Variants in STRN4 observed in about 807,000 individuals in gnomAD.
The protein encoded by STRN4 is striatin-4.
STRN4 carries 27 observed loss-of-function variants against 77.9 expected under a neutral mutation model. That is an observed-to-expected ratio of 0.35 (90% CI 0.26 to 0.48). The LOEUF is 0.48. Among genes scored for constraint, STRN4 ranks in the 20% least tolerant of loss-of-function variants. The pLI, the probability that STRN4 is intolerant of heterozygous loss-of-function variation, is 0.99. For missense variants in STRN4, 798 were observed against 1,049.7 expected (o/e 0.76, Z 3.31); for synonymous variants, 466 against 443.1 (o/e 1.05, Z -0.65).
Position 46,738,288 on chromosome 19 carries a change from T to A in STRN4, c.387-51A>T, listed in dbSNP as rs769906260. Reference sequence around the variant, plus strand: ...AAGAGATGCGGGAGAGTAGACAGGGTCAGTAGTTACCTAAGGAATCCAGAA... The same window carrying A: ...AAGAGATGCGGGAGAGTAGACAGGGACAGTAGTTACCTAAGGAATCCAGAA... On this transcript the variant is annotated intron_variant, in intron 2 of 17. Transcript: ENST00000263280. The surrounding 1 kb of genome is among the most constrained non-coding windows in gnomAD (Gnocchi z 4.5). 6.5e-7 allele frequency: 1 copy of A among 1,540,390 alleles called. No homozygotes were observed. The highest frequency in any genetic ancestry group is 1.7e-5 in the Admixed American group (1 of 59,894).
Position 46,727,526 on chromosome 19 carries a change from T to C in STRN4, c.1174A>G (p.Ile392Val), listed in dbSNP as rs756518884. 6 of 1,613,340 alleles carry C rather than the reference T, an allele frequency of 3.7e-6. No individual in the cohort carries two copies. In the East Asian group the frequency reaches 6.7e-5, roughly 18 times the overall value. ...PHEDVFIMDT[I>V]GGGEVSLGDL... The stretch of plus-strand genomic sequence containing the variant: ...CCCAGGCTCACCTCCCCGCCCCCGA[T>C]AGTGTCCATGATGAAGACGTCTGAG... Residue 392 changes from isoleucine (I) to valine (V), a missense_variant, in exon 9 of 18, where the codon ATC (isoleucine) becomes GTC (valine). Coordinates refer to ENST00000263280, the MANE Select transcript of STRN4 (RefSeq NM_013403.3).
intron 4 of STRN4, among the ~76,000 whole-genome samples, chr19:46,734,550 CTATATGACAGACAT>C (rs1334184468): frequency 6.6e-6 from 1 of 152,158 alleles, no homozygotes; most frequent in Non-Finnish European, 1.5e-5. Context: ...TTATGGTTAT[CTATATGACAGACAT>C]TATATGTTGG....
At chr19:46,746,041 C>A (rs1249769251) in intron 1 of STRN4, 108 bp downstream of exon 1, 21 of 1,184,156 alleles carry the variant, frequency 1.8e-5, no homozygotes, top group Non-Finnish European at 2.3e-5. Flanking sequence ...GCCCCCCCGC[C>A]GGCCGTCCCG....
chr19:46,728,360 G>A (rs1263720013), intron 7 of STRN4: 8 of 592,044 alleles, frequency 1.4e-5, no homozygotes, highest in Non-Finnish European at 2.1e-5. Flanking sequence ...AGAGCTGGAC[G>A]CCCGCCCTGG....
At position 46,725,339 on chromosome 19, in the gene STRN4, C is replaced by A. The variant is rs771964205; in HGVS notation, c.1465G>T (p.Ala489Ser). ...TCAGGGGCACCTCCCTACCTGTGAG[C>A]CCGGAAAGCATGTATAGGTTCCACA... Reference protein sequence around the residue: ...LDVEPIHAFRAHRGPVLAVAM... With the variant: ...LDVEPIHAFRSHRGPVLAVAM... Residue 489 changes from alanine (A) to serine (S), a missense_variant, in exon 11 of 18, where the codon GCT (alanine) becomes TCT (serine). Physicochemically the swap from Ala to Ser is moderately conservative, Grantham distance 99. This residue lies in a region of STRN4 where 287 missense variants were observed against 473.8 expected (regional missense o/e 0.61). Coordinates refer to ENST00000263280, the MANE Select transcript of STRN4 (RefSeq NM_013403.3). 1.2e-6 allele frequency: 2 copies of A among 1,614,156 alleles called. No individual in the cohort carries two copies. Among genetic ancestry groups the A allele is most frequent in the Non-Finnish European group, 8.5e-7 (1 of 1,180,032 alleles).
chr19:46,723,483 G>A lies in STRN4; in HGVS notation c.1595-199C>T, dbSNP rs921639982. On this transcript the variant is annotated intron_variant, in intron 12 of 17. Coordinates refer to ENST00000263280, the MANE Select transcript of STRN4 (RefSeq NM_013403.3). The surrounding 1 kb of genome is among the most constrained non-coding windows in gnomAD (Gnocchi z 5.5). ...CTCACACTGCCCACTAGCTCTCCAA[G>A]GAAGGTTCTAGGGCTCCAGAAGGCA... 6.6e-6 allele frequency among the ~76,000 whole-genome samples: 1 copy of A among 152,218 alleles called. No individual in the cohort carries two copies. Among genetic ancestry groups the A allele is most frequent in the Non-Finnish European group, 1.5e-5 (1 of 68,026 alleles).
At chr19:46,746,116 G>C in intron 1 of STRN4, 33 bp downstream of exon 1, 1 of 1,469,384 alleles carries the variant, frequency 6.8e-7, no homozygotes, top group Non-Finnish European at 9.0e-7. Context: ...GCCGGGCCGG[G>C]TTGGGGGTCG....
chr19:46,742,955 G>A (rs992363761), intron 1 of STRN4, among the ~76,000 whole-genome samples: 4 of 152,214 alleles, frequency 2.6e-5, no homozygotes, highest in African/African-American at 9.7e-5. Flanking sequence ...CTGCAGCCAT[G>A]TCTGATGGGG....
At chr19:46,722,099 T>A in intron 15 of STRN4, 27 bp from the exon 16 acceptor site, 1 of 1,611,156 alleles carries the variant, frequency 6.2e-7, no homozygotes, top group Non-Finnish European at 8.5e-7. Context: ...GGGTGGCAGG[T>A]TCCCCTCCCA....
chr19:46,725,023 T>C (rs2054074441), intron 11 of STRN4, 95 bp from the exon 12 acceptor site: 2 of 1,561,070 alleles, frequency 1.3e-6, no homozygotes, highest in African/African-American at 1.4e-5. Context: ...TCTTCAAGGA[T>C]GGCCAAAAGG....
At chr19:46,745,036 C>T (rs1259334280) in intron 1 of STRN4, among the ~76,000 whole-genome samples, 1 of 149,422 alleles carries the variant, frequency 6.7e-6, no homozygotes, top group Non-Finnish European at 1.5e-5. Flanking sequence ...TTCCCCCCAA[C>T]CCCAGTCTAC....
intron 7 of STRN4, chr19:46,728,345 C>T (rs1312874528): frequency 1.7e-6 from 1 of 588,300 alleles, no homozygotes; most frequent in Non-Finnish European, 3.0e-6. Flanking sequence ...TCCTTGAGGC[C>T]AGCCAGAGCT....
At chr19:46,728,994 T>C in intron 6 of STRN4, 1 of 551,948 alleles carries the variant, frequency 1.8e-6, no homozygotes, top group Admixed American at 3.1e-5. Flanking sequence ...ACGCAGTCCT[T>C]CCCCTAGCCA....
chr19:46,730,141 AC>A (rs2054214516), intron 6 of STRN4, among the ~76,000 whole-genome samples: 1 of 152,104 alleles, frequency 6.6e-6, no homozygotes, highest in African/African-American at 2.4e-5. Context: ...AGCATTTGAG[AC>A]CCTGGACTCA....
chr19:46,737,180 G>C (rs1599888494), intron 3 of STRN4, among the ~76,000 whole-genome samples: 1 of 152,330 alleles, frequency 6.6e-6, no homozygotes, highest in East Asian at 1.9e-4. Flanking sequence ...CTGGTTCTGA[G>C]AGAAGGGCCG....
intron 8 of STRN4, 31 bp from the exon 9 acceptor site, chr19:46,727,577 G>A: frequency 6.3e-7 from 1 of 1,582,632 alleles, no homozygotes. Flanking sequence ...CCTGGTAGGG[G>A]GAGGGGAGGG....
At chr19:46,728,548 G>C (rs1051589576) in intron 7 of STRN4, 70 bp downstream of exon 7, 1 of 1,544,708 alleles carries the variant, frequency 6.5e-7, no homozygotes, top group Admixed American at 1.9e-5. Context: ...GCAGCTGCGG[G>C]CAGCTGAGCC....
At position 46,722,357 on chromosome 19, in the gene STRN4, G is replaced by A; in HGVS notation, c.1907-17C>T. ...GGGTTGGACCTGAAGGAAAACGCAG[G>A]AAGAGGGAAGGATGTCAAGCAGAAA... On this transcript the variant is annotated splice_polypyrimidine_tract_variant and intron_variant, in intron 14 of 17. Coordinates refer to ENST00000263280, the MANE Select transcript of STRN4 (RefSeq NM_013403.3). 6.2e-7 allele frequency: 1 copy of A among 1,611,114 alleles called. No individual in the cohort carries two copies. The highest frequency in any genetic ancestry group is 8.5e-7 in the Non-Finnish European group (1 of 1,177,422).
chr19:46,746,035 C>G lies in STRN4; in HGVS notation c.282+114G>C, dbSNP rs1485602918. ...GGACCGTCGCGGTCCCCTCCCGCCCCCCCGCCGGCCGTCCCGGCGGCCATT... is the reference window on the plus strand; with the variant it reads ...GGACCGTCGCGGTCCCCTCCCGCCCGCCCGCCGGCCGTCCCGGCGGCCATT... On this transcript the variant is annotated intron_variant, in intron 1 of 17. Transcript: ENST00000263280. 2.9e-5 allele frequency: 35 copies of G among 1,223,194 alleles called. 3 individuals carry two copies. In the South Asian group the frequency reaches 7.1e-4, roughly 25 times the overall value. The allele number at this position is 1,223,194 out of a possible 1,614,324, so 75.8% of individuals were successfully genotyped here. A position where few individuals can be genotyped will look rare whatever the true frequency, so the allele number is the denominator to read the frequency against.
Sources: gnomAD v4.1 joint callset for allele counts (sites outside exome capture counted in the v4.1 genomes callset) on GRCh38, gnomAD v4.1.1 for gene constraint, gnomAD v4.1.1 regional missense constraint, Gnocchi (gnomAD v3.1) non-coding constraint, MANE v1.5 for transcripts, NCBI Gene and HGNC (gene_info 2026-07-23, HGNC 2026-07-21) for gene names.